FBN1: variants seen among roughly 807,000 people sequenced by gnomAD.
The protein encoded by FBN1 is fibrillin-1.
FBN1 carries 29 observed loss-of-function variants against 365.1 expected under a neutral mutation model. That is an observed-to-expected ratio of 0.08 (90% CI 0.06 to 0.11). The LOEUF (loss-of-function observed/expected upper bound fraction) is 0.11, where lower values mean the gene tolerates loss of function less well. Ranked by LOEUF, FBN1 falls within the 10% of genes least tolerant of loss-of-function variation. The probability of loss-of-function intolerance (pLI) is 1.00; values close to 1 mark genes in which losing one functional copy is unlikely to be tolerated. For synonymous variants in FBN1, 1,210 were observed against 1,270.5 expected, an observed-to-expected ratio of 0.95 and a Z score of 1.01; for missense variants, 2,476 against 3,703.2, an observed-to-expected ratio of 0.67 and a Z score of 8.60.
At chr15:48,625,125 A>G (rs934115667) in intron 2 of FBN1, among the ~76,000 whole-genome samples, 6 of 152,154 alleles carry the variant, frequency 3.9e-5, no homozygotes, top group Admixed American at 2.6e-4. Context: ...TCAGCCCCCA[A>G]TTGACAAACA....
At chr15:48,527,260 G>A (rs2043922699) in intron 8 of FBN1, among the ~76,000 whole-genome samples, 1 of 152,234 alleles carries the variant, frequency 6.6e-6, no homozygotes, top group Non-Finnish European at 1.5e-5. Context: ...CAAGGAAGCA[G>A]TAAAATTCCC....
intron 18 of FBN1, 75 bp from the exon 19 acceptor site, chr15:48,497,466 T>C (rs1597570488): frequency 7.1e-7 from 1 of 1,405,560 alleles, no homozygotes; most frequent in South Asian, 1.2e-5. Flanking sequence ...AATATAACAC[T>C]ACAATAAATG....
intron 6 of FBN1, among the ~76,000 whole-genome samples, chr15:48,540,660 A>T (rs372323202): frequency 6.6e-6 from 1 of 152,196 alleles, no homozygotes. Context: ...TATATCCTAC[A>T]TCTGAGACTA....
At chr15:48,434,562 G>A (rs755740336) in intron 54 of FBN1, 32 bp downstream of exon 54, 46 of 1,612,532 alleles carry the variant, frequency 2.9e-5, no homozygotes, top group Admixed American at 1.5e-4. Context: ...ATCAGTACAC[G>A]TAATCAACTG....
chr15:48,578,109 G>A (rs8028631), intron 6 of FBN1, among the ~76,000 whole-genome samples: 9,905 of 152,210 alleles, frequency 0.065, 1,142 homozygotes, highest in African/African-American at 0.23. Flanking sequence ...AATTGAAAGT[G>A]ATGCTACTGG....
At chr15:48,631,733 G>A (rs572170399) in intron 2 of FBN1, among the ~76,000 whole-genome samples, 3 of 152,140 alleles carry the variant, frequency 2.0e-5, no homozygotes, top group Admixed American at 6.5e-5. Flanking sequence ...AAGGCAGTGT[G>A]GCTAAGAATT....
intron 24 of FBN1, among the ~76,000 whole-genome samples, chr15:48,491,284 G>A (rs769225141): frequency 6.6e-6 from 1 of 151,568 alleles, no homozygotes; most frequent in Non-Finnish European, 1.5e-5. Flanking sequence ...ATATTTAAAG[G>A]TTTGTTAATT....
intron 1 of FBN1, among the ~76,000 whole-genome samples, 183 bp downstream of exon 1, chr15:48,645,392 G>T (rs1175587533): frequency 6.6e-6 from 1 of 152,200 alleles, no homozygotes; most frequent in Non-Finnish European, 1.5e-5. Context: ...CCGGCACCAA[G>T]AGCCCCGGGC....
At chr15:48,499,771 T>G (rs893462563) in intron 17 of FBN1, among the ~76,000 whole-genome samples, 1 of 152,216 alleles carries the variant, frequency 6.6e-6, no homozygotes, top group African/African-American at 2.4e-5. Context: ...GATGAAAATG[T>G]AGAACTAACT....
At chr15:48,618,610 T>C (rs570729379) in intron 2 of FBN1, among the ~76,000 whole-genome samples, 4 of 152,306 alleles carry the variant, frequency 2.6e-5, no homozygotes, top group African/African-American at 9.6e-5. Flanking sequence ...AAGCTTCAGC[T>C]TGACTCTCTA....
chr15:48,490,018 G>A lies in FBN1; in HGVS notation c.2915C>T (p.Ala972Val), dbSNP rs1372325922. 1 of 1,614,150 alleles carries A rather than the reference G, an allele frequency of 6.2e-7. No individual in the cohort carries two copies. The highest frequency in any genetic ancestry group is 8.5e-7 in the Non-Finnish European group (1 of 1,180,032). Reference protein sequence around the residue: ...YEDEECTLPIAGRHRMDACCC... With the variant: ...YEDEECTLPIVGRHRMDACCC... The stretch of plus-strand genomic sequence containing the variant: ...GCAGGCGTCCATGCGGTGGCGGCCA[G>A]CAATAGGCAGGGTGCACTCCTCGTC... Residue 972 changes from alanine to valine, a missense_variant, in exon 25 of 66, where the codon GCT becomes GTT. Ala to Val is a moderately conservative substitution (Grantham distance 64). Transcript: ENST00000316623.
At position 48,446,776 on chromosome 15, in the gene FBN1, C is replaced by T. The variant is rs1403178913; in HGVS notation, c.5718G>A (p.Arg1906=). The T allele has an allele frequency of 6.2e-7, 1 of 1,613,286 alleles. No individual in the cohort carries two copies. The highest frequency in any genetic ancestry group is 1.1e-5 in the South Asian group (1 of 91,060). ...GGCAGTTGAAGGAACCAATTGTGTT[C>T]CGGCAAGTTCCATTCCCACAGGCAT... ...ERDACGNGTC[R]NTIGSFNCRC... is the part of the protein sequence containing the mutation. Residue 1906 remains arginine (R), a synonymous_variant, in exon 47 of 66, where the codon CGG becomes CGA. Transcript: ENST00000316623.
chr15:48,568,049 GAAGAAAGAAAGAAAGA>G (rs1555403283), intron 6 of FBN1, among the ~76,000 whole-genome samples: 1 of 40,132 alleles, frequency 2.5e-5, no homozygotes, highest in Non-Finnish European at 4.6e-5. Context: ...AAGAAAGAAA[GAAGAAAGAAAGAAAGA>G]AAGAAAGAAA....
At chr15:48,575,377 C>G (rs1029389519) in intron 6 of FBN1, among the ~76,000 whole-genome samples, 2 of 152,146 alleles carry the variant, frequency 1.3e-5, no homozygotes, top group African/African-American at 4.8e-5. Flanking sequence ...TTAGGGGGTA[C>G]AAGCGCAGGT....
At chr15:48,547,123 A>G (rs2044099647) in intron 6 of FBN1, among the ~76,000 whole-genome samples, 1 of 152,020 alleles carries the variant, frequency 6.6e-6, no homozygotes, top group Non-Finnish European at 1.5e-5. Flanking sequence ...ATGTAATTAT[A>G]CCCTGACTTG....
intron 63 of FBN1, chr15:48,416,652 A>C (rs2141216125): frequency 6.6e-6 from 1 of 152,380 alleles, no homozygotes; most frequent in South Asian, 2.1e-4. Flanking sequence ...CTTTAAAAAA[A>C]TCAGCTAGAA....
chr15:48,431,080 TTTTTTATTTATTTTTA>T (rs2043019869), intron 55 of FBN1, among the ~76,000 whole-genome samples: 1 of 151,940 alleles, frequency 6.6e-6, no homozygotes, highest in Middle Eastern at 3.2e-3. Flanking sequence ...CCTTCCCTTA[TTTTTTATTTATTTTTA>T]TTTTTATTTA....
At chr15:48,564,697 T>C (rs911841852) in intron 6 of FBN1, among the ~76,000 whole-genome samples, 4 of 152,224 alleles carry the variant, frequency 2.6e-5, no homozygotes, top group African/African-American at 9.6e-5. Context: ...AAACTAGAAC[T>C]GCATTCTCAG....
At chr15:48,547,174 C>CT (rs908478749) in intron 6 of FBN1, among the ~76,000 whole-genome samples, 20 of 152,004 alleles carry the variant, frequency 1.3e-4, no homozygotes, top group African/African-American at 4.4e-4. Context: ...CCTTCCCTTC[C>CT]TTTTTGTGAG....
Sources: allele counts gnomAD v4.1 joint callset (sites outside exome capture counted in the v4.1 genomes callset), GRCh38; gene constraint gnomAD v4.1.1; transcripts MANE v1.5; gene names NCBI Gene and HGNC (gene_info 2026-07-23, HGNC 2026-07-21).